TBC1D30: variants seen among roughly 807,000 people sequenced by gnomAD.
TBC1D30 encodes TBC1 domain family, member 30.
In TBC1D30, 31 loss-of-function variants were observed where a neutral mutation model predicts 63.2. The observed-to-expected ratio is 0.49, with a 90% CI of 0.37 to 0.66. TBC1D30 has a LOEUF of 0.66. Ranked by LOEUF, TBC1D30 falls within the 30% of genes least tolerant of loss-of-function variation. The probability of loss-of-function intolerance (pLI) is 0.00; values close to 1 mark genes in which losing one functional copy is unlikely to be tolerated. For synonymous variants in TBC1D30, 307 were observed against 361.5 expected (o/e 0.85, Z 1.71); for missense variants, 810 against 953.6 (o/e 0.85, Z 1.98).
intron 2 of TBC1D30, among the ~76,000 whole-genome samples, chr12:64,800,945 A>G (rs1217931935): frequency 6.6e-6 from 1 of 152,178 alleles, no homozygotes; most frequent in Non-Finnish European, 1.5e-5. Context: ...CTCAGCAAGG[A>G]TATTAGAGTC....
At chr12:64,842,872 C>T (rs190042188) in intron 7 of TBC1D30, among the ~76,000 whole-genome samples, 29 of 152,256 alleles carry the variant, frequency 1.9e-4, no homozygotes, top group Admixed American at 1.6e-3. Context: ...GTAGGAATGA[C>T]AGGACTTACC....
At position 64,841,844 on chromosome 12, in the gene TBC1D30, T is replaced by C. The variant is rs574318637; in HGVS notation, c.933-1536T>C. ...CATTCATGTCCACAGGCTGCTCTGC[T>C]CTTTTATAGTAATATTTCAGCAGTT... On this transcript the variant is annotated intron_variant, in intron 7 of 11. Coordinates refer to ENST00000539867, the MANE Select transcript of TBC1D30 (RefSeq NM_015279.2). Among the ~76,000 whole-genome samples the C allele has an allele frequency of 1.1e-4, 16 of 152,344 alleles. 1 individual carries two copies. The South Asian group carries it at 3.1e-3, about 30-fold the overall frequency.
chr12:64,865,095 A>G (rs929182132), intron 9 of TBC1D30, among the ~76,000 whole-genome samples: 12 of 151,924 alleles, frequency 7.9e-5, no homozygotes, highest in Admixed American at 1.3e-4. Context: ...GAGCTAATTT[A>G]AAAACTGTGA....
intron 2 of TBC1D30, among the ~76,000 whole-genome samples, chr12:64,799,116 A>G (rs1243089615): frequency 1.3e-5 from 2 of 151,848 alleles, no homozygotes; most frequent in Non-Finnish European, 2.9e-5. Flanking sequence ...AGGGATGGAG[A>G]AAGGTGAGAG....
chr12:64,843,970 T>C (rs1876131527), intron 8 of TBC1D30, among the ~76,000 whole-genome samples: 1 of 152,068 alleles, frequency 6.6e-6, no homozygotes, highest in Non-Finnish European at 1.5e-5. Context: ...TTTATTTTTA[T>C]TTTTGTATAG....
intron 2 of TBC1D30, among the ~76,000 whole-genome samples, chr12:64,786,358 G>T (rs1871576246): frequency 6.6e-6 from 1 of 151,620 alleles, no homozygotes; most frequent in Non-Finnish European, 1.5e-5. Context: ...TTGAAACAGA[G>T]TCTCACTCCG....
In TBC1D30 at chr12:64,824,688, T is replaced by C; in HGVS notation, c.-192T>C. 1.4e-6 allele frequency: 1 copy of C among 694,914 alleles called. No homozygotes were observed. Among genetic ancestry groups the C allele is most frequent in the Non-Finnish European group, 2.2e-6 (1 of 444,582 alleles). The allele number at this position is 694,914 out of a possible 1,614,324, so 43.0% of individuals were successfully genotyped here. A position where few individuals can be genotyped will look rare whatever the true frequency, so the allele number is the denominator to read the frequency against. On this transcript the variant is annotated 5_prime_UTR_variant, in exon 1 of 12. Coordinates refer to ENST00000539867, the MANE Select transcript of TBC1D30 (RefSeq NM_015279.2). Reference sequence around the variant, plus strand: ...CACTGCAGATGCCTGCTGGCTTCCCTGCGCTCGGCGGCTCCCGCGGTGCCC... The same window carrying C: ...CACTGCAGATGCCTGCTGGCTTCCCCGCGCTCGGCGGCTCCCGCGGTGCCC...
chr12:64,763,281 G>A (rs1057155962), intron 1 of TBC1D30, among the ~76,000 whole-genome samples: 4 of 152,108 alleles, frequency 2.6e-5, no homozygotes, highest in Non-Finnish European at 4.4e-5. Context: ...AGATCAAATC[G>A]AAAGAAATTT....
In TBC1D30 at chr12:64,834,707, CTTTTTTTTTTTTTT is replaced by C. The variant is rs11374555; in HGVS notation, c.595-1772_595-1759del. 5.2e-5 allele frequency among the ~76,000 whole-genome samples: 4 copies of C among 76,342 alleles called. No individual in the cohort carries two copies. The South Asian group carries it at 2.5e-3, about 47-fold the overall frequency. 50.1% of individuals were successfully genotyped at this position (76,342 alleles called of 152,430 possible). Reference sequence around the variant, plus strand: ...TACAGGCATGAGCCACCGTGCCGGGCTTTTTTTTTTTTTTTTTTTTTTTTGATCTAAGATTTGAC... The same window carrying C: ...TACAGGCATGAGCCACCGTGCCGGGCTTTTTTTTTTGATCTAAGATTTGAC... On this transcript the variant is annotated intron_variant, in intron 5 of 11. Transcript: ENST00000539867.
At chr12:64,830,574 A>G in intron 4 of TBC1D30, 72 bp downstream of exon 4, 1 of 1,336,206 alleles carries the variant, frequency 7.5e-7, no homozygotes, top group South Asian at 1.9e-5. Context: ...CTTTTTGGAC[A>G]GAGGATCAAA....
intron 4 of TBC1D30, 37 bp downstream of exon 4, chr12:64,830,539 G>A (rs1453038795): frequency 6.7e-7 from 1 of 1,487,064 alleles, no homozygotes; most frequent in Middle Eastern, 1.7e-4. Context: ...TCCTAATATA[G>A]AAGAAAGACT....
chr12:64,761,540 T>C (rs565632602), intron 1 of TBC1D30, among the ~76,000 whole-genome samples: 5 of 152,192 alleles, frequency 3.3e-5, no homozygotes, highest in Non-Finnish European at 7.3e-5. Context: ...AGAAGCCGAC[T>C]AAAACCCACC....
Position 64,824,743 on chromosome 12 carries a change from C to A in TBC1D30, c.-137C>A, listed in dbSNP as rs1029036667. 4 of 1,242,446 alleles carry A rather than the reference C, an allele frequency of 3.2e-6. No individual in the cohort carries two copies. In the African/African-American group the frequency reaches 4.6e-5, roughly 14 times the overall value. 77.0% of individuals were successfully genotyped at this position (1,242,446 alleles called of 1,614,324 possible). Reference sequence around the variant, plus strand: ...AGTCCCCGTGACCCTCCAGCACCAGCCGGCTGTGCGCTCCCTGCTCCCACG... The same window carrying A: ...AGTCCCCGTGACCCTCCAGCACCAGACGGCTGTGCGCTCCCTGCTCCCACG... On this transcript the variant is annotated 5_prime_UTR_variant, in exon 1 of 12. Coordinates refer to ENST00000539867, the MANE Select transcript of TBC1D30 (RefSeq NM_015279.2).
At chr12:64,821,345 C>T (rs1220468857), upstream of TBC1D30, among the ~76,000 whole-genome samples, 1 of 152,222 alleles carries the variant, frequency 6.6e-6, no homozygotes, top group East Asian at 1.9e-4. Flanking sequence ...GTCTGAGTGG[C>T]ATATGTCACA....
At chr12:64,863,741 C>T (rs1039743667) in intron 8 of TBC1D30, among the ~76,000 whole-genome samples, 2 of 152,224 alleles carry the variant, frequency 1.3e-5, no homozygotes, top group African/African-American at 4.8e-5. Flanking sequence ...CCTTTCACAG[C>T]CTTCCTTTTG....
chr12:64,767,991 A>G (rs902697182), intron 1 of TBC1D30, among the ~76,000 whole-genome samples: 1 of 152,112 alleles, frequency 6.6e-6, no homozygotes, highest in African/African-American at 2.4e-5. Context: ...AATACATTGT[A>G]TGCTTAGGAA....
At chr12:64,761,407 C>T (rs932877430) in intron 1 of TBC1D30, among the ~76,000 whole-genome samples, 1 of 152,146 alleles carries the variant, frequency 6.6e-6, no homozygotes, top group African/African-American at 2.4e-5. Flanking sequence ...AGCCTGAGGC[C>T]TGCTATGCTG....
rs568923834 is a variant in TBC1D30 at position 64,788,936 on chromosome 12, T to C, written c.643+2891T>C. ...CCATCTTAAAACTCCAGAGGTTAGA[T>C]ATTTCATGACTAAATCCCTGATTCC... On this transcript the variant is annotated intron_variant, in intron 2 of 12. Transcript: ENST00000542120. 3.9e-5 allele frequency among the ~76,000 whole-genome samples: 6 copies of C among 152,334 alleles called. No homozygotes were observed. The East Asian group carries it at 7.7e-4, about 20-fold the overall frequency.
At chr12:64,828,578 T>C in intron 3 of TBC1D30, 69 bp downstream of exon 3, 1 of 1,003,366 alleles carries the variant, frequency 1.0e-6, no homozygotes, top group Non-Finnish European at 1.5e-6. Flanking sequence ...CTCTGGAATG[T>C]CAAAAAATAT....
Sources: gnomAD v4.1 joint callset for allele counts (sites outside exome capture counted in the v4.1 genomes callset) on GRCh38, gnomAD v4.1.1 for gene constraint, MANE v1.5 for transcripts, NCBI Gene and HGNC (gene_info 2026-07-23, HGNC 2026-07-21) for gene names.